Variants in MAK16 observed in about 807,000 individuals in gnomAD.
MAK16 encodes protein MAK16 homolog.
A neutral mutation model predicts 49.9 loss-of-function variants in MAK16; 12 were observed. The observed-to-expected ratio is 0.24, with a 90% CI of 0.15 to 0.39. MAK16 has a LOEUF of 0.39. MAK16 is among the 10% of genes least tolerant of loss of function. The pLI is 1.00. For missense variants in MAK16, 292 were observed against 363.7 expected (o/e 0.80, Z 1.60); for synonymous variants, 115 against 126.4 (o/e 0.91, Z 0.60).
intron 4 of MAK16, 64 bp from the exon 5 acceptor site, chr8:33,488,924 T>C (rs1272383403): frequency 8.1e-6 from 13 of 1,609,824 alleles, no homozygotes; most frequent in Non-Finnish European, 8.5e-7. Context: ...TGGGTGTCAC[T>C]GACAGTGAAA....
intron 6 of MAK16, among the ~76,000 whole-genome samples, chr8:33,490,603 A>T (rs1038480593): frequency 6.6e-6 from 1 of 152,240 alleles, no homozygotes; most frequent in Non-Finnish European, 1.5e-5. Flanking sequence ...TTGTGGTCAA[A>T]TATTTCAGAC....
At chr8:33,494,973 C>T (rs980045563) in intron 6 of MAK16, among the ~76,000 whole-genome samples, 1 of 152,092 alleles carries the variant, frequency 6.6e-6, no homozygotes, top group East Asian at 1.9e-4. Context: ...CACAGTTTTA[C>T]GTAATCATTC....
Position 33,500,422 on chromosome 8 carries a change from G to A in MAK16, c.*1793G>A. ...CTTAACAGACTCAGGTGTAAGGTTT[G>A]GATCCCTTGCTACATCACAAATCAG... is the stretch of plus-strand genomic sequence containing the variant. On this transcript the variant is annotated 3_prime_UTR_variant, in exon 10 of 10. Transcript: ENST00000360128. The A allele has an allele frequency of 4.3e-6, 7 of 1,614,086 alleles. No homozygotes were observed. The highest frequency in any genetic ancestry group is 5.9e-6 in the Non-Finnish European group (7 of 1,180,016).
Position 33,489,295 on chromosome 8 carries a change from C to A in MAK16, c.392+156C>A. On this transcript the variant is annotated intron_variant, in intron 5 of 9. Transcript: ENST00000360128. The surrounding 1 kb of genome is among the most constrained non-coding windows in gnomAD (Gnocchi z 4.2). ...ACTTTAGCTTTGACTAAAGGTGTGC[C>A]CTTTGATATGGCAGGACTTTTAAAA... is the stretch of plus-strand genomic sequence containing the variant. The A allele has an allele frequency of 1.6e-6, 1 of 622,458 alleles. No homozygotes were observed. Among genetic ancestry groups the A allele is most frequent in the Admixed American group, 3.1e-5 (1 of 32,602 alleles). 38.6% of individuals were successfully genotyped at this position (622,458 alleles called of 1,614,324 possible). A position where few individuals can be genotyped will look rare whatever the true frequency, so the allele number is the denominator to read the frequency against.
Position 33,498,672 on chromosome 8 carries a change from T to C in MAK16, c.*43T>C, listed in dbSNP as rs1808935398. 7.1e-7 allele frequency: 1 copy of C among 1,415,040 alleles called. No homozygotes were observed. The highest frequency in any genetic ancestry group is 9.4e-7 in the Non-Finnish European group (1 of 1,062,108). The allele number at this position is 1,415,040 out of a possible 1,614,324, so 87.7% of individuals were successfully genotyped here. Reference sequence around the variant, plus strand: ...ATACCCAGGACTGAACATGCAGAACTGTTTTTTTTTTTTTTTTATCTTAAA... The same window carrying C: ...ATACCCAGGACTGAACATGCAGAACCGTTTTTTTTTTTTTTTTATCTTAAA... On this transcript the variant is annotated 3_prime_UTR_variant, in exon 10 of 10. Coordinates refer to ENST00000360128, the MANE Select transcript of MAK16 (RefSeq NM_032509.4).
chr8:33,499,037 A>T lies in MAK16; in HGVS notation c.*408A>T. 1 of 691,304 alleles carries T rather than the reference A, an allele frequency of 1.4e-6. No individual in the cohort carries two copies. Among genetic ancestry groups the T allele is most frequent in the Non-Finnish European group, 2.4e-6 (1 of 412,256 alleles). 42.8% of individuals were successfully genotyped at this position (691,304 alleles called of 1,614,324 possible). On this transcript the variant is annotated 3_prime_UTR_variant, in exon 10 of 10. Coordinates refer to ENST00000360128, the MANE Select transcript of MAK16 (RefSeq NM_032509.4). Reference sequence around the variant, plus strand: ...ACTTTCCCTATTCTTATGGAGGTAAAAGGAAAGGAAGGAAGGAAAAAGCAG... The same window carrying T: ...ACTTTCCCTATTCTTATGGAGGTAATAGGAAAGGAAGGAAGGAAAAAGCAG...
intron 6 of MAK16, among the ~76,000 whole-genome samples, chr8:33,493,930 T>C (rs567212219): frequency 1.3e-5 from 2 of 151,930 alleles, no homozygotes; most frequent in African/African-American, 4.8e-5. Context: ...TTTTTTTTTT[T>C]CAAAAAACAA....
At position 33,500,466 on chromosome 8, in the gene MAK16, T is replaced by G. The variant is rs1486401937; in HGVS notation, c.*1837T>G. ...AAATCAGTTTCAAGAGGGCCTTCAG[T>G]AAGACCACAAGTCTGCAGGAAACTC... On this transcript the variant is annotated 3_prime_UTR_variant, in exon 10 of 10. Coordinates refer to ENST00000360128, the MANE Select transcript of MAK16 (RefSeq NM_032509.4). 1 of 1,614,118 alleles carries G rather than the reference T, an allele frequency of 6.2e-7. No homozygotes were observed. Among genetic ancestry groups the G allele is most frequent in the Non-Finnish European group, 8.5e-7 (1 of 1,180,014 alleles).
chr8:33,500,301 C>A lies in MAK16; in HGVS notation c.*1672C>A. 1 of 1,613,846 alleles carries A rather than the reference C, an allele frequency of 6.2e-7. No homozygotes were observed. Among genetic ancestry groups the A allele is most frequent in the Non-Finnish European group, 8.5e-7 (1 of 1,179,846 alleles). ...ATTACATAAGGATAATGAGGCCCAA[C>A]TGAAACCAAGTTTCAGTCTGCCTTA... On this transcript the variant is annotated 3_prime_UTR_variant, in exon 10 of 10. Transcript: ENST00000360128.
chr8:33,486,780 C>T (rs1563345424), intron 1 of MAK16, among the ~76,000 whole-genome samples: 1 of 152,166 alleles, frequency 6.6e-6, no homozygotes, highest in African/African-American at 2.4e-5. Context: ...CTAGGGAAGA[C>T]TGTTCTTACG....
chr8:33,495,148 T>G (rs1218976536), intron 6 of MAK16, among the ~76,000 whole-genome samples: 7 of 152,210 alleles, frequency 4.6e-5, no homozygotes, highest in Non-Finnish European at 8.8e-5. Context: ...TCACATGGAA[T>G]CTAGCATGAT....
In MAK16 at chr8:33,488,432, G is replaced by A. The variant is rs1162690229; in HGVS notation, c.65+5G>A. The A allele has an allele frequency of 6.2e-7, 1 of 1,614,020 alleles. No individual in the cohort carries two copies. Among genetic ancestry groups the A allele is most frequent in the Non-Finnish European group, 8.5e-7 (1 of 1,180,016 alleles). On this transcript the variant is annotated splice_donor_5th_base_variant and intron_variant, in intron 2 of 9. Transcript: ENST00000360128. Reference sequence around the variant, plus strand: ...ATTTTGTTCCTTCAAAATAAGGTGAGTCTCAATTTACAACTTGGTCAAAGA... The same window carrying A: ...ATTTTGTTCCTTCAAAATAAGGTGAATCTCAATTTACAACTTGGTCAAAGA...
At chr8:33,492,089 A>G (rs1392644302) in intron 6 of MAK16, among the ~76,000 whole-genome samples, 1 of 151,444 alleles carries the variant, frequency 6.6e-6, no homozygotes, top group African/African-American at 2.4e-5. Flanking sequence ...AGCTCACTGC[A>G]ACCTCTGCCT....
Position 33,488,552 on chromosome 8 carries a change from A to G in MAK16, c.98A>G (p.Tyr33Cys). The G allele has an allele frequency of 6.2e-7, 1 of 1,614,178 alleles. No individual in the cohort carries two copies. Among genetic ancestry groups the G allele is most frequent in the East Asian group, 2.2e-5 (1 of 44,880 alleles). Residue 33 changes from tyrosine to cysteine, a missense_variant, in exon 3 of 10, where the codon TAT (tyrosine) becomes TGT (cysteine). Transcript: ENST00000360128. ...TKTQSFCRNE[Y>C]SLTGLCNRSS... Reference sequence around the variant, plus strand: ...ACTCAGAGCTTCTGCCGAAATGAATATAGCCTGACTGGACTGTGTAATCGG... The same window carrying G: ...ACTCAGAGCTTCTGCCGAAATGAATGTAGCCTGACTGGACTGTGTAATCGG...
In MAK16 at chr8:33,499,124, A is replaced by G; in HGVS notation, c.*495A>G. 6.8e-7 allele frequency: 1 copy of G among 1,461,358 alleles called. No homozygotes were observed. 90.5% of individuals were successfully genotyped at this position (1,461,358 alleles called of 1,614,324 possible). On this transcript the variant is annotated 3_prime_UTR_variant, in exon 10 of 10. Transcript: ENST00000360128. ...TTTCTTAAATAACTCCATTCATACA[A>G]ATTGGGATGGGAAGAAAATCCTTTC... is the stretch of plus-strand genomic sequence containing the variant.
intron 6 of MAK16, among the ~76,000 whole-genome samples, chr8:33,493,764 T>C (rs1389992304): frequency 6.6e-6 from 1 of 152,220 alleles, no homozygotes; most frequent in Admixed American, 6.5e-5. Flanking sequence ...TGTAACCCTC[T>C]GAAAAATGTA....
intron 6 of MAK16, among the ~76,000 whole-genome samples, chr8:33,490,795 A>G (rs962921844): frequency 7.9e-5 from 12 of 152,204 alleles, no homozygotes; most frequent in Admixed American, 1.3e-4. Flanking sequence ...AAACAGTTCA[A>G]TTATCCTTAC....
At chr8:33,487,048 C>G (rs1045380095) in intron 1 of MAK16, among the ~76,000 whole-genome samples, 10 of 152,104 alleles carry the variant, frequency 6.6e-5, no homozygotes, top group Non-Finnish European at 1.3e-4. Flanking sequence ...TTCTTTTGCC[C>G]TCTTCATATT....
chr8:33,490,847 C>T (rs186607452), intron 6 of MAK16, among the ~76,000 whole-genome samples: 27 of 152,298 alleles, frequency 1.8e-4, no homozygotes, highest in African/African-American at 6.0e-4. Context: ...ACTATAGTCA[C>T]GCTGTTGTGC....
Sources: allele counts gnomAD v4.1 joint callset (sites outside exome capture counted in the v4.1 genomes callset), GRCh38; gene constraint gnomAD v4.1.1; non-coding constraint Gnocchi (gnomAD v3.1); transcripts MANE v1.5; gene names NCBI Gene and HGNC (gene_info 2026-07-23, HGNC 2026-07-21).